VRK3: variants seen among roughly 807,000 people sequenced by gnomAD.
VRK3 encodes VRK serine/threonine kinase 3, also known as serine/threonine-protein kinase VRK3.
In VRK3, 50 loss-of-function variants were observed where a neutral mutation model predicts 60.4. The ratio of observed to expected loss-of-function variants is 0.83; its 90% CI spans 0.66 to 1.05. The LOEUF (loss-of-function observed/expected upper bound fraction) is 1.05. Among genes scored for constraint, VRK3 ranks in the 50% least tolerant of loss-of-function variants. VRK3 has a pLI of 0.00. For synonymous variants in VRK3, 246 were observed against 227.8 expected (o/e 1.08, Z -0.72); for missense variants, 549 against 585.3 (o/e 0.94, Z 0.64).
At chr19:49,985,789 T>C (rs11083995) in intron 12 of VRK3, among the ~76,000 whole-genome samples, 7,969 of 152,206 alleles carry the variant, frequency 0.052, 684 homozygotes, top group African/African-American at 0.18. Context: ...TGAGTGAAGG[T>C]AGGCTGGGTC....
intron 5 of VRK3, among the ~76,000 whole-genome samples, chr19:50,004,135 T>G (rs186563661): frequency 1.3e-5 from 2 of 152,340 alleles, no homozygotes; most frequent in East Asian, 1.9e-4. Flanking sequence ...CTGAGTCATA[T>G]AAGGGAAAAC....
chr19:50,015,813 A>G lies in VRK3; in HGVS notation c.139+211T>C, dbSNP rs771256093. On this transcript the variant is annotated intron_variant, in intron 3 of 14. Coordinates refer to ENST00000316763, the MANE Select transcript of VRK3 (RefSeq NM_016440.4). ...GGCTGGCTGGAGATAGAAATGAAGGAGATGTTAACATGGAGACAGTGTTCA... is the reference window on the plus strand; with the variant it reads ...GGCTGGCTGGAGATAGAAATGAAGGGGATGTTAACATGGAGACAGTGTTCA... 11 of 619,772 alleles carry G rather than the reference A, an allele frequency of 1.8e-5. No individual in the cohort carries two copies. The Admixed American group carries it at 2.3e-4, about 13-fold the overall frequency. 38.4% of individuals were successfully genotyped at this position (619,772 alleles called of 1,614,324 possible). A position where few individuals can be genotyped will look rare whatever the true frequency, so the allele number is the denominator to read the frequency against.
At chr19:49,994,659 G>A (rs1026958112) in intron 9 of VRK3, among the ~76,000 whole-genome samples, 155 bp downstream of exon 9, 3 of 152,178 alleles carry the variant, frequency 2.0e-5, no homozygotes, top group Non-Finnish European at 2.9e-5. Context: ...CCATCATCTC[G>A]GCTCTAACCG....
chr19:50,021,268 C>G (rs981108273), intron 1 of VRK3, among the ~76,000 whole-genome samples: 12 of 152,220 alleles, frequency 7.9e-5, no homozygotes, highest in Admixed American at 2.6e-4. Context: ...AACCTTGTAA[C>G]CCCTCCTCCC....
At chr19:50,003,761 C>T (rs1039039970) in intron 5 of VRK3, among the ~76,000 whole-genome samples, 3 of 152,254 alleles carry the variant, frequency 2.0e-5, no homozygotes, top group Non-Finnish European at 2.9e-5. Flanking sequence ...AAGAAAAGGG[C>T]GATTTGCTCT....
intron 10 of VRK3, among the ~76,000 whole-genome samples, chr19:49,991,776 G>A (rs1260523607): frequency 1.3e-5 from 2 of 152,204 alleles, no homozygotes; most frequent in East Asian, 1.9e-4. Context: ...AGAGATGGGA[G>A]AGCCGGCTTC....
Position 50,020,570 on chromosome 19 carries a change from C to A in VRK3, c.-2+15G>T, listed in dbSNP as rs780725713. 2.0e-5 allele frequency: 3 copies of A among 152,214 alleles called. No homozygotes were observed. Among genetic ancestry groups the A allele is most frequent in the Non-Finnish European group, 2.9e-5 (2 of 68,072 alleles). 9.4% of individuals were successfully genotyped at this position (152,214 alleles called of 1,614,324 possible). A position where few individuals can be genotyped will look rare whatever the true frequency, so the allele number is the denominator to read the frequency against. On this transcript the variant is annotated intron_variant, in intron 2 of 14. Coordinates refer to ENST00000316763, the MANE Select transcript of VRK3 (RefSeq NM_016440.4). ...AGGAAAAAGGTCTTGAGAGGCTGTG[C>A]CCAAGGGATAATACCTTTATGAGGT...
intron 5 of VRK3, among the ~76,000 whole-genome samples, chr19:50,004,054 A>G (rs1170802905): frequency 6.6e-6 from 1 of 152,190 alleles, no homozygotes; most frequent in Non-Finnish European, 1.5e-5. Flanking sequence ...ATAAATAAAT[A>G]AAGGGACTGC....
At chr19:49,992,780 T>C (rs1206982555) in intron 10 of VRK3, 80 bp downstream of exon 10, 1 of 1,352,996 alleles carries the variant, frequency 7.4e-7, no homozygotes, top group African/African-American at 1.4e-5. Context: ...TAATAAGCAC[T>C]ATGAAATAAA....
At chr19:50,010,173 G>C (rs1028507637) in intron 3 of VRK3, among the ~76,000 whole-genome samples, 3 of 151,924 alleles carry the variant, frequency 2.0e-5, no homozygotes, top group South Asian at 2.1e-4. Flanking sequence ...ACAATCATTA[G>C]AGTTTTTATT....
chr19:49,979,239 G>T lies in VRK3; in HGVS notation c.1280C>A (p.Thr427Asn). 6.2e-7 allele frequency: 1 copy of T among 1,614,072 alleles called. No homozygotes were observed. Among genetic ancestry groups the T allele is most frequent in the Non-Finnish European group, 8.5e-7 (1 of 1,179,996 alleles). ...PCGHWIRPSE[T>N]LQKYLKVVMA... The stretch of plus-strand genomic sequence containing the variant: ...CACCACCTTCAGGTACTTCTGCAGG[G>T]TCTCTGTGGTCAAGACAACCCCCAG... Residue 427 changes from threonine to asparagine, a missense_variant, in exon 14 of 15, where the codon ACC becomes AAC. By Grantham distance (65) the Thr-to-Asn change is moderately conservative. Coordinates refer to ENST00000316763, the MANE Select transcript of VRK3 (RefSeq NM_016440.4).
At chr19:49,996,956 C>G (rs1217546827) in intron 7 of VRK3, 1 of 152,176 alleles carries the variant, frequency 6.6e-6, no homozygotes, top group Non-Finnish European at 1.5e-5. Context: ...CTGTAACAAC[C>G]AGCTTGCCAT....
At chr19:50,000,979 T>C in intron 5 of VRK3, 125 bp from the exon 6 acceptor site, 1 of 814,786 alleles carries the variant, frequency 1.2e-6, no homozygotes. Context: ...AAGCGCACTC[T>C]TGGCTCTCAC....
At chr19:49,988,808 A>G (rs1344894811) in intron 11 of VRK3, among the ~76,000 whole-genome samples, 1 of 152,042 alleles carries the variant, frequency 6.6e-6, no homozygotes, top group Admixed American at 6.6e-5. Context: ...GAAAACCCAG[A>G]CCAGGATCTC....
At chr19:50,011,221 G>A (rs7259059) in intron 3 of VRK3, among the ~76,000 whole-genome samples, 26,843 of 152,124 alleles carry the variant, frequency 0.18, 2,597 homozygotes, top group East Asian at 0.34. Context: ...TAGCCCTGTG[G>A]TCTCTGTTTT....
chr19:49,993,014 T>C (rs980899573), intron 9 of VRK3, 62 bp from the exon 10 acceptor site: 85 of 1,397,016 alleles, frequency 6.1e-5, no homozygotes, highest in African/African-American at 1.1e-4. Context: ...GAGGCTATGG[T>C]GCAGACCAGG....
In VRK3 at chr19:49,997,459, C is replaced by A. The variant is rs771872903; in HGVS notation, c.679+45G>T. On this transcript the variant is annotated intron_variant, in intron 7 of 14. Transcript: ENST00000316763. The stretch of plus-strand genomic sequence containing the variant: ...AAGTCAAGTGCTGTGACCAAGTTGG[C>A]GCCCCCCTCACTCTCCCCTCCTTGC... 2.5e-6 allele frequency: 4 copies of A among 1,601,956 alleles called. No homozygotes were observed. The East Asian group carries it at 9.0e-5, about 36-fold the overall frequency.
intron 7 of VRK3, among the ~76,000 whole-genome samples, chr19:49,995,877 T>C (rs895655659): frequency 1.9e-4 from 29 of 152,218 alleles, no homozygotes; most frequent in African/African-American, 6.5e-4. Flanking sequence ...GCCTTCCATG[T>C]AGCTGGGATT....
chr19:49,988,150 C>T (rs1464382771), intron 12 of VRK3: 2 of 500,226 alleles, frequency 4.0e-6, no homozygotes, highest in East Asian at 4.7e-5. Context: ...TAACACCCCA[C>T]AGTGGTGGTG....
Sources: gnomAD v4.1 joint callset for allele counts (sites outside exome capture counted in the v4.1 genomes callset) on GRCh38, gnomAD v4.1.1 for gene constraint, MANE v1.5 for transcripts, NCBI Gene and HGNC (gene_info 2026-07-23, HGNC 2026-07-21) for gene names.